ST3GAL5: variants seen among roughly 807,000 people sequenced by gnomAD.
ST3GAL5 encodes lactosylceramide alpha-2,3-sialyltransferase.
ST3GAL5 carries 25 observed loss-of-function variants against 46.1 expected under a neutral mutation model. That is an observed-to-expected ratio of 0.54 (90% CI 0.40 to 0.76). ST3GAL5 has a LOEUF of 0.76. Among genes scored for constraint, ST3GAL5 ranks in the 30% least tolerant of loss-of-function variants. ST3GAL5 has a pLI of 0.00. For synonymous variants in ST3GAL5, 182 were observed against 192.7 expected (o/e 0.94, Z 0.46); for missense variants, 431 against 521.2 (o/e 0.83, Z 1.69).
intron 4 of ST3GAL5, chr2:85,847,431 A>G: frequency 9.9e-7 from 1 of 1,009,960 alleles, no homozygotes; most frequent in Non-Finnish European, 1.2e-6. Flanking sequence ...GACAGTTTGG[A>G]GCATCCAACC....
At chr2:85,855,059 A>T (rs1167975337) in intron 3 of ST3GAL5, 3 of 152,276 alleles carry the variant, frequency 2.0e-5, no homozygotes, top group Admixed American at 2.0e-4. Flanking sequence ...ATGCAAAAGG[A>T]TGACCTTGGA....
intron 5 of ST3GAL5, chr2:85,845,175 T>C (rs1682635951): frequency 1.2e-5 from 2 of 160,108 alleles, no homozygotes; most frequent in Non-Finnish European, 2.8e-5. Context: ...CTGAAATGTA[T>C]TTGAATATAA....
chr2:85,878,343 T>C (rs1313225696), intron 1 of ST3GAL5, among the ~76,000 whole-genome samples: 2 of 152,228 alleles, frequency 1.3e-5, no homozygotes, highest in African/African-American at 4.8e-5. Flanking sequence ...CTGTATTCTG[T>C]CAGCCTCTGC....
chr2:85,850,816 T>G (rs980784984), intron 3 of ST3GAL5: 1 of 152,240 alleles, frequency 6.6e-6, no homozygotes, highest in African/African-American at 2.4e-5. Flanking sequence ...CTGCCAGGTC[T>G]CCTCTTCAGA....
intron 3 of ST3GAL5, chr2:85,852,905 A>G (rs1427909305): frequency 7.7e-7 from 1 of 1,304,246 alleles, no homozygotes; most frequent in South Asian, 1.2e-5. Context: ...AGCAGCACTA[A>G]GGAGAGAAAA....
chr2:85,852,007 C>T (rs998240527), intron 3 of ST3GAL5, among the ~76,000 whole-genome samples: 4 of 152,230 alleles, frequency 2.6e-5, no homozygotes, highest in African/African-American at 9.6e-5. Flanking sequence ...ATAAAAACAT[C>T]ATGTGAAATT....
Position 85,867,565 on chromosome 2 carries a change from A to C in ST3GAL5, c.83-4080T>G, listed in dbSNP as rs958880509. 3.8e-6 allele frequency: 3 copies of C among 780,724 alleles called. No individual in the cohort carries two copies. In the African/African-American group the frequency reaches 5.1e-5, roughly 13 times the overall value. The allele number at this position is 780,724 out of a possible 1,614,324, so 48.4% of individuals were successfully genotyped here. On this transcript the variant is annotated intron_variant, in intron 1 of 6. Coordinates refer to ENST00000638572, the MANE Select transcript of ST3GAL5 (RefSeq NM_003896.4). The stretch of plus-strand genomic sequence containing the variant: ...CCAAAGGCCAAGGAAGAGGCTGACG[A>C]ATCCAGTTTCTCAGAAAGAAACGTG...
At chr2:85,847,374 C>A in intron 4 of ST3GAL5, 1 of 995,998 alleles carries the variant, frequency 1.0e-6, no homozygotes, top group South Asian at 4.4e-5. Context: ...CAAGGTTCTG[C>A]CACTTACTGT....
At position 85,840,107 on chromosome 2, in the gene ST3GAL5, G is replaced by C. The variant is rs569654464; in HGVS notation, c.*37C>G. 3.1e-6 allele frequency: 5 copies of C among 1,614,080 alleles called. No individual in the cohort carries two copies. In the South Asian group the frequency reaches 5.5e-5, roughly 18 times the overall value. On this transcript the variant is annotated 3_prime_UTR_variant, in exon 7 of 7. Coordinates refer to ENST00000638572, the MANE Select transcript of ST3GAL5 (RefSeq NM_003896.4). ...AGAAGGCTGTCAAAAACAGCTCTCA[G>C]AGTTAGAGTTGCATTTTCAACTGAG...
intron 1 of ST3GAL5, among the ~76,000 whole-genome samples, chr2:85,878,655 A>T (rs1364709985): frequency 1.3e-5 from 2 of 152,254 alleles, no homozygotes; most frequent in African/African-American, 4.8e-5. Flanking sequence ...AAAATTTCAT[A>T]AGCTTCTTCC....
chr2:85,867,723 G>C lies in ST3GAL5; in HGVS notation c.83-4238C>G. The C allele has an allele frequency of 1.4e-5, 11 of 765,074 alleles. No individual in the cohort carries two copies. The South Asian group carries it at 1.5e-4, about 11-fold the overall frequency. The allele number at this position is 765,074 out of a possible 1,614,324, so 47.4% of individuals were successfully genotyped here. ...AATACCATACTGAAGGAATGTATAG[G>C]ACATTGACATCCAACCCTCAGGAAA... On this transcript the variant is annotated intron_variant, in intron 1 of 6. Transcript: ENST00000638572.
At chr2:85,844,123 T>A (rs952255615) in intron 6 of ST3GAL5, among the ~76,000 whole-genome samples, 1 of 152,008 alleles carries the variant, frequency 6.6e-6, no homozygotes, top group Admixed American at 6.6e-5. Flanking sequence ...TTATATGGAG[T>A]CCTGGAGTAA....
intron 3 of ST3GAL5, among the ~76,000 whole-genome samples, chr2:85,852,565 G>GGGGTGGGGTTGA (rs1683634116): frequency 6.6e-6 from 1 of 152,170 alleles, no homozygotes; most frequent in South Asian, 2.1e-4. Context: ...GTGGAAGCCT[G>GGGGTGGGGTTGA]GGGTGGGGTT....
chr2:85,888,859 G>A lies in ST3GAL5; in HGVS notation c.47C>T (p.Pro16Leu). The change falls in exon 1 of 7, where the codon CCG (proline) becomes CTG (leucine). Residue 16 changes from proline (P) to leucine (L), a missense_variant. Coordinates refer to ENST00000638572, the MANE Select transcript of ST3GAL5 (RefSeq NM_003896.4). ...AGGTGCCGCCGCTGCCTCGGTCCGC[G>A]GCTGCAGGGGACGCCGCTCCGCGCA... The part of the protein sequence containing the change: ...AGCAERRPLQ[P>L]RTEAAAAPAG... 7.4e-6 allele frequency: 10 copies of A among 1,353,074 alleles called. No homozygotes were observed. The highest frequency in any genetic ancestry group is 1.7e-5 in the South Asian group (1 of 59,900). The allele number at this position is 1,353,074 out of a possible 1,614,324, so 83.8% of individuals were successfully genotyped here.
chr2:85,853,172 C>T (rs1168588155), intron 3 of ST3GAL5: 6 of 956,760 alleles, frequency 6.3e-6, no homozygotes, highest in South Asian at 1.4e-5. Flanking sequence ...CATCAACGTG[C>T]CCTCGTCTCT....
At chr2:85,869,952 AC>A (rs1558691127) in intron 1 of ST3GAL5, 1 of 318,338 alleles carries the variant, frequency 3.1e-6, no homozygotes, top group Admixed American at 3.8e-5. Context: ...GAGCGCGCAC[AC>A]ACACGCACAC....
chr2:85,841,655 G>A (rs954985184), intron 6 of ST3GAL5, among the ~76,000 whole-genome samples: 5 of 152,128 alleles, frequency 3.3e-5, no homozygotes, highest in Non-Finnish European at 7.3e-5. Context: ...TTTTAGTCCT[G>A]AATTAAATAT....
chr2:85,875,701 G>T (rs1278449733), intron 1 of ST3GAL5, among the ~76,000 whole-genome samples: 1 of 152,146 alleles, frequency 6.6e-6, no homozygotes, highest in African/African-American at 2.4e-5. Flanking sequence ...GGAACACTGG[G>T]GCGGAGAAAA....
chr2:85,871,979 G>C (rs181093080), intron 1 of ST3GAL5, among the ~76,000 whole-genome samples: 1 of 152,270 alleles, frequency 6.6e-6, no homozygotes, highest in East Asian at 1.9e-4. Flanking sequence ...TGGGGTGGGA[G>C]GATTCCAAGA....
Sources: allele counts gnomAD v4.1 joint callset (sites outside exome capture counted in the v4.1 genomes callset), GRCh38; gene constraint gnomAD v4.1.1; transcripts MANE v1.5; gene names NCBI Gene and HGNC (gene_info 2026-07-23, HGNC 2026-07-21).